The following TMEM233 variants were observed in gnomAD, a reference collection of about 807,000 sequenced individuals.
TMEM233 encodes the protein transmembrane protein 233, also known as dispanin subfamily B member 2.
Under a neutral mutation model 11.2 loss-of-function variants are expected in TMEM233, and 6 were observed. The ratio of observed to expected loss-of-function variants is 0.54; its 90% CI spans 0.29 to 1.06. The LOEUF (loss-of-function observed/expected upper bound fraction) is 1.06, where lower values mean the gene tolerates loss of function less well. Ranked by LOEUF, TMEM233 falls within the 50% of genes least tolerant of loss-of-function variation. The probability of loss-of-function intolerance (pLI) is 0.08; values close to 1 mark genes in which losing one functional copy is unlikely to be tolerated. For missense variants in TMEM233, 127 were observed against 144.7 expected, an observed-to-expected ratio of 0.88 and a Z score of 0.63; for synonymous variants, 59 against 55.8, an observed-to-expected ratio of 1.06 and a Z score of -0.26.
intron 2 of TMEM233, among the ~76,000 whole-genome samples, chr12:119,637,296 C>G (rs1245796274): frequency 6.6e-6 from 1 of 152,206 alleles, no homozygotes; most frequent in Non-Finnish European, 1.5e-5. Context: ...GCTTGCCATT[C>G]TTAACAACAA....
intron 1 of TMEM233, among the ~76,000 whole-genome samples, chr12:119,623,763 T>G (rs1044155720): frequency 1.3e-5 from 2 of 152,168 alleles, no homozygotes; most frequent in African/African-American, 4.8e-5. Flanking sequence ...GCACACACTA[T>G]GTGCGGAGCC....
At chr12:119,638,683 G>A (rs985165163) in intron 2 of TMEM233, among the ~76,000 whole-genome samples, 2 of 152,114 alleles carry the variant, frequency 1.3e-5, no homozygotes, top group Non-Finnish European at 2.9e-5. Flanking sequence ...ATGTCCATCA[G>A]TAGGCAGGTT....
At chr12:119,646,995 C>T (rs535548648), downstream of TMEM233, among the ~76,000 whole-genome samples, 35 of 152,208 alleles carry the variant, frequency 2.3e-4, no homozygotes, top group South Asian at 4.1e-4. Context: ...TAGACTTAAT[C>T]ACATCATTCC....
Position 119,597,901 on chromosome 12 carries a change from G to A in TMEM233, c.186+3867G>A, listed in dbSNP as rs140364724. The stretch of plus-strand genomic sequence containing the variant: ...GGTTCCTGGTAGCTCATATTGCATC[G>A]TTGTGTGAATTTGAATATGGCACAT... On this transcript the variant is annotated intron_variant, in intron 1 of 2. Transcript: ENST00000426426. Among the ~76,000 whole-genome samples, 20 of 152,254 alleles carry A rather than the reference G, an allele frequency of 1.3e-4. No homozygotes were observed. The South Asian group carries it at 1.5e-3, about 11-fold the overall frequency.
chr12:119,617,010 T>A (rs944662098), intron 1 of TMEM233, among the ~76,000 whole-genome samples: 12 of 152,244 alleles, frequency 7.9e-5, no homozygotes, highest in South Asian at 2.1e-4. Context: ...GTCTCAGGTA[T>A]GTCTTTATTA....
At chr12:119,653,047 A>G in the TMEM233 span, among the ~76,000 whole-genome samples, 1 of 152,328 alleles carries the variant, frequency 6.6e-6, no homozygotes, top group African/African-American at 2.4e-5. Context: ...TCTGAGAAAG[A>G]TAATAGAATC....
Position 119,642,824 on chromosome 12 carries a change from A to T in TMEM233, c.*2119A>T, listed in dbSNP as rs1285372723. On this transcript the variant is annotated 3_prime_UTR_variant, in exon 3 of 3. Coordinates refer to ENST00000426426, the MANE Select transcript of TMEM233 (RefSeq NM_001136534.3). ...AAAAAAAAAAAAAATTCTGATGAAC[A>T]TCAGATTCAACCTGTCATTTTACCC... The T allele has an allele frequency of 1.3e-5, 2 of 151,704 alleles. No individual in the cohort carries two copies. Among genetic ancestry groups the T allele is most frequent in the African/African-American group, 4.8e-5 (2 of 41,282 alleles). The allele number at this position is 151,704 out of a possible 1,614,324, so 9.4% of individuals were successfully genotyped here.
intron 2 of TMEM233, among the ~76,000 whole-genome samples, chr12:119,637,459 T>C (rs1447637359): frequency 1.3e-5 from 2 of 152,208 alleles, no homozygotes; most frequent in Non-Finnish European, 2.9e-5. Context: ...CAAATTGAAA[T>C]GAATCCTTTC....
rs1954002731 is a variant in TMEM233, at chr12:119,594,828, A to C, written c.186+794A>C. On this transcript the variant is annotated intron_variant, in intron 1 of 2. Coordinates refer to ENST00000426426, the MANE Select transcript of TMEM233 (RefSeq NM_001136534.3). The surrounding 1 kb of genome is among the most constrained non-coding windows in gnomAD (Gnocchi z 5.6). ...CCAGCAAAGTGGGTGCGCCTCTCTT[A>C]CTCTTTCTACCCAGCGCGTCGTAGT... 6.7e-6 allele frequency among the ~76,000 whole-genome samples: 1 copy of C among 149,312 alleles called. No individual in the cohort carries two copies. The highest frequency in any genetic ancestry group is 6.6e-5 in the Admixed American group (1 of 15,040).
intron 1 of TMEM233, among the ~76,000 whole-genome samples, chr12:119,608,427 T>C (rs1213989391): frequency 6.6e-6 from 1 of 152,216 alleles, no homozygotes; most frequent in Admixed American, 6.5e-5. Flanking sequence ...CTTGTCCACA[T>C]TCATGTTTGA....
At chr12:119,601,185 C>G (rs899810111) in intron 1 of TMEM233, among the ~76,000 whole-genome samples, 2 of 152,042 alleles carry the variant, frequency 1.3e-5, no homozygotes, top group Non-Finnish European at 2.9e-5. Flanking sequence ...AAAGAATCCC[C>G]CAGTACTCAA....
At chr12:119,650,731 C>T in the TMEM233 span, among the ~76,000 whole-genome samples, 3 of 152,248 alleles carry the variant, frequency 2.0e-5, no homozygotes, top group Non-Finnish European at 4.4e-5. Context: ...CAACCTTCAC[C>T]CCCCAGATTC....
chr12:119,611,951 G>A (rs925352324), intron 1 of TMEM233, among the ~76,000 whole-genome samples: 5 of 151,770 alleles, frequency 3.3e-5, no homozygotes, highest in Admixed American at 6.6e-5. Context: ...CCACTTTACC[G>A]CCATCATCTC....
intron 1 of TMEM233, 146 bp from the exon 2 acceptor site, chr12:119,629,590 T>C (rs926682578): frequency 5.5e-6 from 4 of 724,532 alleles, no homozygotes; most frequent in African/African-American, 3.6e-5. Flanking sequence ...AGGGGATGAC[T>C]GTGTTGTTTG....
chr12:119,611,543 GAT>G (rs10542488), intron 1 of TMEM233, among the ~76,000 whole-genome samples: 115,030 of 150,262 alleles, frequency 0.77, 44,118 homozygotes, highest in Middle Eastern at 0.85. Flanking sequence ...TTGAGTTTAA[GAT>G]ATATATATAT....
chr12:119,651,752 G>T, the TMEM233 span, among the ~76,000 whole-genome samples: 7 of 147,952 alleles, frequency 4.7e-5, no homozygotes, highest in Non-Finnish European at 1.0e-4. Context: ...ACCTGAACCA[G>T]GGAGTCGGAG....
rs1373249196 is a variant in TMEM233 at position 119,641,030 on chromosome 12, A to G, written c.*325A>G. The G allele has an allele frequency of 1.3e-5, 4 of 307,248 alleles. No homozygotes were observed. Among genetic ancestry groups the G allele is most frequent in the Non-Finnish European group, 1.2e-5 (2 of 166,536 alleles). The allele number at this position is 307,248 out of a possible 1,614,324, so 19.0% of individuals were successfully genotyped here. A position where few individuals can be genotyped will look rare whatever the true frequency, so the allele number is the denominator to read the frequency against. Reference sequence around the variant, plus strand: ...CTCCTGTCCTCCAGAGGCGAGCCTCAGGAAATCACATAACTTTTCACTGAG... The same window carrying G: ...CTCCTGTCCTCCAGAGGCGAGCCTCGGGAAATCACATAACTTTTCACTGAG... On this transcript the variant is annotated 3_prime_UTR_variant, in exon 3 of 3. Coordinates refer to ENST00000426426, the MANE Select transcript of TMEM233 (RefSeq NM_001136534.3).
In TMEM233 at chr12:119,607,364, C is replaced by T. The variant is rs960919353; in HGVS notation, c.186+13330C>T. Among the ~76,000 whole-genome samples, 8 of 152,058 alleles carry T rather than the reference C, an allele frequency of 5.3e-5. No individual in the cohort carries two copies. In the East Asian group the frequency reaches 5.8e-4, roughly 11 times the overall value. On this transcript the variant is annotated intron_variant, in intron 1 of 2. Coordinates refer to ENST00000426426, the MANE Select transcript of TMEM233 (RefSeq NM_001136534.3). Reference sequence around the variant, plus strand: ...TCCAGTGGCGCAATCGGTTAGCGCGCGGTATTTCTACAATATCACCTACCT... The same window carrying T: ...TCCAGTGGCGCAATCGGTTAGCGCGTGGTATTTCTACAATATCACCTACCT...
intron 1 of TMEM233, among the ~76,000 whole-genome samples, chr12:119,625,495 G>A (rs1407889630): frequency 4.0e-5 from 6 of 151,674 alleles, no homozygotes; most frequent in African/African-American, 4.8e-5. Context: ...TCAGCCTCCT[G>A]AGAAACTTAG....
Sources: gnomAD v4.1 joint callset for allele counts (sites outside exome capture counted in the v4.1 genomes callset) on GRCh38, gnomAD v4.1.1 for gene constraint, Gnocchi (gnomAD v3.1) non-coding constraint, MANE v1.5 for transcripts, NCBI Gene and HGNC (gene_info 2026-07-23, HGNC 2026-07-21) for gene names.